The following RYR3 variants were observed in gnomAD, a reference collection of about 807,000 sequenced individuals.
The protein encoded by RYR3 is brain ryanodine receptor-calcium release channel.
Under a neutral mutation model 584.3 loss-of-function variants are expected in RYR3, and 207 were observed. The ratio of observed to expected loss-of-function variants is 0.35; its 90% CI spans 0.32 to 0.40. The LOEUF is 0.40. Among genes scored for constraint, RYR3 ranks in the 10% least tolerant of loss-of-function variants. RYR3 has a pLI of 1.00. For missense variants in RYR3, 5,616 were observed against 6,089.2 expected (o/e 0.92, Z 2.59); for synonymous variants, 2,416 against 2,248.5 (o/e 1.07, Z -2.11).
rs1185645828 is a variant in RYR3, at chr15:33,845,001, C to A, written c.13436C>A (p.Ala4479Asp). Residue 4479 changes from alanine (A) to aspartate (D), a missense_variant, in exon 93 of 104, where the codon GCC becomes GAC. Around this residue, in one of 9 missense-constraint regions of RYR3, gnomAD observed 918 missense variants for 887.4 expected, o/e 1.03. Transcript: ENST00000634891. ...GGGTATATGGCACCAACCCTGCGTG[C>A]CCTGGCCATCATCCATACCATCATC... ...STGYMAPTLR[A>D]LAIIHTIISL... 6.2e-7 allele frequency: 1 copy of A among 1,614,000 alleles called. No individual in the cohort carries two copies. Among genetic ancestry groups the A allele is most frequent in the South Asian group, 1.1e-5 (1 of 91,082 alleles).
At chr15:33,318,050 A>T (rs1968445114) in intron 1 of RYR3, among the ~76,000 whole-genome samples, 1 of 152,228 alleles carries the variant, frequency 6.6e-6, no homozygotes, top group African/African-American at 2.4e-5. Flanking sequence ...TTACAAAGAG[A>T]TTCAGAAATT....
chr15:33,726,637 C>A, intron 46 of RYR3, 131 bp downstream of exon 46: 1 of 937,296 alleles, frequency 1.1e-6, no homozygotes, highest in Non-Finnish European at 1.5e-6. Flanking sequence ...AAGTGTCTCA[C>A]TCTTTTTCCT....
intron 2 of RYR3, among the ~76,000 whole-genome samples, chr15:33,476,096 G>T (rs984008552): frequency 6.6e-6 from 1 of 152,124 alleles, no homozygotes; most frequent in Non-Finnish European, 1.5e-5. Flanking sequence ...GAAAGACCAC[G>T]GATCAGCCCC....
At chr15:33,522,496 TATTA>T (rs2054075591) in intron 3 of RYR3, among the ~76,000 whole-genome samples, 1 of 152,266 alleles carries the variant, frequency 6.6e-6, no homozygotes, top group Non-Finnish European at 1.5e-5. Context: ...TTTAGATTCG[TATTA>T]ATTACCCCAT....
At position 33,662,576 on chromosome 15, in the gene RYR3, G is replaced by A; in HGVS notation, c.5046G>A (p.Gln1682=). 1 of 1,614,028 alleles carries A rather than the reference G, an allele frequency of 6.2e-7. No individual in the cohort carries two copies. Among genetic ancestry groups the A allele is most frequent in the Non-Finnish European group, 8.5e-7 (1 of 1,179,900 alleles). Reference sequence around the variant, plus strand: ...TGACTGGTGAGGATCACCAAAAGCAGAGCCCCGAGATTCCCTTGGAGAGTC... The same window carrying A: ...TGACTGGTGAGGATCACCAAAAGCAAAGCCCCGAGATTCCCTTGGAGAGTC... ...FVVTGEDHQK[Q]SPEIPLESLR... Residue 1682 remains glutamine, a synonymous_variant, in exon 35 of 104, where the codon CAG becomes CAA. Coordinates refer to ENST00000634891, the MANE Select transcript of RYR3 (RefSeq NM_001036.6).
At chr15:33,469,620 A>G (rs568585819) in intron 1 of RYR3, among the ~76,000 whole-genome samples, 2 of 151,818 alleles carry the variant, frequency 1.3e-5, no homozygotes, top group Non-Finnish European at 2.9e-5. Flanking sequence ...ATATAAAAGG[A>G]TAGGTAGACT....
intron 5 of RYR3, among the ~76,000 whole-genome samples, chr15:33,538,270 G>A (rs910502994): frequency 6.6e-6 from 1 of 152,014 alleles, no homozygotes; most frequent in Non-Finnish European, 1.5e-5. Context: ...AGCTGGCTGA[G>A]GCTTGTTGTC....
At chr15:33,437,902 T>C (rs1037254486) in intron 1 of RYR3, among the ~76,000 whole-genome samples, 2 of 152,194 alleles carry the variant, frequency 1.3e-5, no homozygotes, top group African/African-American at 4.8e-5. Context: ...TTTAAATTTT[T>C]TGTAGAAACA....
chr15:33,699,685 T>C lies in RYR3; in HGVS notation c.6250-19T>C, dbSNP rs771209378. 7 of 1,610,270 alleles carry C rather than the reference T, an allele frequency of 4.3e-6. No individual in the cohort carries two copies. The highest frequency in any genetic ancestry group is 5.9e-6 in the Non-Finnish European group (7 of 1,177,368). ...CATGATAGATTCTTTTGTCTGACACTTTCTACTTCTCCCTACAGATTGCAT... is the reference window on the plus strand; with the variant it reads ...CATGATAGATTCTTTTGTCTGACACCTTCTACTTCTCCCTACAGATTGCAT... On this transcript the variant is annotated intron_variant, in intron 40 of 103. Coordinates refer to ENST00000634891, the MANE Select transcript of RYR3 (RefSeq NM_001036.6).
intron 1 of RYR3, among the ~76,000 whole-genome samples, chr15:33,381,416 T>C (rs1244276088): frequency 6.8e-6 from 1 of 147,110 alleles, no homozygotes; most frequent in Non-Finnish European, 1.5e-5. Flanking sequence ...AGGTGCTCAA[T>C]AAACACATAT....
In RYR3 at chr15:33,841,935, C is replaced by CA; in HGVS notation, c.13115dup (p.Lys4373GlufsTer10). On this transcript the variant is annotated frameshift_variant, in exon 91 of 104. Transcript: ENST00000634891. LOFTEE classifies it high-confidence loss of function. ...GCTGAGTACCTGTGGACAGAAGTGACAAAAAAGAAGAAGCGGCGGTGTGGT... is the reference window on the plus strand; with the variant it reads ...GCTGAGTACCTGTGGACAGAAGTGACAAAAAAAGAAGAAGCGGCGGTGTGGT... 6.3e-7 allele frequency: 1 copy of CA among 1,585,616 alleles called. No homozygotes were observed. Among genetic ancestry groups the CA allele is most frequent in the Non-Finnish European group, 8.6e-7 (1 of 1,164,496 alleles).
chr15:33,621,170 A>G (rs141523597), intron 19 of RYR3, among the ~76,000 whole-genome samples: 37 of 152,354 alleles, frequency 2.4e-4, no homozygotes, highest in Admixed American at 4.6e-4. Flanking sequence ...TTTGAAACTC[A>G]ACAATTAGCA....
intron 1 of RYR3, among the ~76,000 whole-genome samples, chr15:33,419,862 A>G (rs2044108933): frequency 6.6e-6 from 1 of 152,162 alleles, no homozygotes; most frequent in Non-Finnish European, 1.5e-5. Flanking sequence ...TAAAATCCCC[A>G]TGTAACTTTA....
At chr15:33,448,787 C>T (rs1322300688) in intron 1 of RYR3, among the ~76,000 whole-genome samples, 1 of 152,080 alleles carries the variant, frequency 6.6e-6, no homozygotes, top group Non-Finnish European at 1.5e-5. Flanking sequence ...AGGAGGCTGA[C>T]AGGTGGCAGG....
intron 18 of RYR3, among the ~76,000 whole-genome samples, chr15:33,606,107 C>T (rs185812671): frequency 2.6e-5 from 4 of 152,274 alleles, no homozygotes; most frequent in African/African-American, 4.8e-5. Context: ...GAACAAACAG[C>T]GTAGCTTTGG....
At chr15:33,626,332 C>A (rs1466844616) in intron 20 of RYR3, among the ~76,000 whole-genome samples, 1 of 152,130 alleles carries the variant, frequency 6.6e-6, no homozygotes, top group Non-Finnish European at 1.5e-5. Flanking sequence ...TCCTCCTATG[C>A]AAAGAGACTG....
chr15:33,508,062 A>G (rs2052628826), intron 3 of RYR3, among the ~76,000 whole-genome samples: 1 of 152,186 alleles, frequency 6.6e-6, no homozygotes, highest in Admixed American at 6.5e-5. Flanking sequence ...ATGAACTGGC[A>G]TAATGCTTCT....
At chr15:33,700,070 C>T (rs1252891924) in intron 41 of RYR3, among the ~76,000 whole-genome samples, 4 of 152,212 alleles carry the variant, frequency 2.6e-5, no homozygotes, top group Admixed American at 6.5e-5. Context: ...TTGGCATAGT[C>T]GTACAGTTTT....
At chr15:33,491,400 T>C (rs969489373) in intron 2 of RYR3, among the ~76,000 whole-genome samples, 3 of 152,222 alleles carry the variant, frequency 2.0e-5, no homozygotes, top group African/African-American at 7.2e-5. Flanking sequence ...TAAGGATGAA[T>C]GCCACAGGAA....
Sources: gnomAD v4.1 joint callset for allele counts (sites outside exome capture counted in the v4.1 genomes callset) on GRCh38, gnomAD v4.1.1 for gene constraint, gnomAD v4.1.1 regional missense constraint, MANE v1.5 for transcripts, NCBI Gene and HGNC (gene_info 2026-07-23, HGNC 2026-07-21) for gene names.